Variants in KIAA1549 observed in about 807,000 individuals in gnomAD.
KIAA1549 encodes the protein KIAA1549.
Under a neutral mutation model 156.4 loss-of-function variants are expected in KIAA1549, and 70 were observed. The observed-to-expected ratio is 0.45, with a 90% CI of 0.37 to 0.55. The LOEUF is 0.55. Ranked by LOEUF, KIAA1549 falls within the 20% of genes least tolerant of loss-of-function variation. The pLI, the probability that KIAA1549 is intolerant of heterozygous loss-of-function variation, is 0.00. For synonymous variants in KIAA1549, 1,103 were observed against 1,066.4 expected (o/e 1.03, Z -0.67); for missense variants, 2,428 against 2,540.9 (o/e 0.96, Z 0.96).
intron 1 of KIAA1549, among the ~76,000 whole-genome samples, chr7:138,978,712 C>T (rs1033963005): frequency 1.6e-4 from 24 of 152,164 alleles, no homozygotes; most frequent in African/African-American, 5.6e-4. Flanking sequence ...TAAGCCATGC[C>T]ATTTTCTGAC....
Position 138,856,330 on chromosome 7 carries a change from C to T in KIAA1549, c.5248-4061G>A, listed in dbSNP as rs1343431901. ...CCCTCATTTCTAAAGAGAGCTCTTC[C>T]ACTGGTAATCCAGATTCATCTCATC... On this transcript the variant is annotated intron_variant, in intron 16 of 19. Transcript: ENST00000422774. 2.0e-5 allele frequency among the ~76,000 whole-genome samples: 3 copies of T among 152,070 alleles called. 1 individual carries two copies. Among genetic ancestry groups the T allele is most frequent in the African/African-American group, 7.2e-5 (3 of 41,422 alleles).
chr7:138,968,673 C>T (rs1210487368), intron 1 of KIAA1549, among the ~76,000 whole-genome samples: 1 of 151,122 alleles, frequency 6.6e-6, no homozygotes, highest in East Asian at 1.9e-4. Flanking sequence ...CGGTGAAACC[C>T]CGTCTCTACT....
chr7:138,932,879 C>T (rs1343248505), intron 1 of KIAA1549, among the ~76,000 whole-genome samples: 1 of 152,130 alleles, frequency 6.6e-6, no homozygotes, highest in Non-Finnish European at 1.5e-5. Flanking sequence ...TAGGGAAATT[C>T]ACATGGTGAT....
chr7:138,860,424 C>T (rs930744675), intron 16 of KIAA1549, among the ~76,000 whole-genome samples: 6 of 152,224 alleles, frequency 3.9e-5, no homozygotes, highest in Admixed American at 3.3e-4. Flanking sequence ...AGTATAAACA[C>T]TCCCTAATAA....
chr7:138,979,559 G>A (rs1343518594), intron 1 of KIAA1549, among the ~76,000 whole-genome samples: 2 of 152,220 alleles, frequency 1.3e-5, no homozygotes, highest in Non-Finnish European at 2.9e-5. Flanking sequence ...GCACTCAGGA[G>A]ATGGAAACCA....
At chr7:138,885,056 G>A (rs759760554) in intron 10 of KIAA1549, among the ~76,000 whole-genome samples, 2 of 152,132 alleles carry the variant, frequency 1.3e-5, no homozygotes, top group African/African-American at 2.4e-5. Context: ...TTAGACGGGC[G>A]TGGTGGCACG....
chr7:138,915,330 C>G (rs1325527008), intron 2 of KIAA1549, among the ~76,000 whole-genome samples: 7 of 152,146 alleles, frequency 4.6e-5, no homozygotes, highest in Non-Finnish European at 8.8e-5. Flanking sequence ...GAGCTGCTCA[C>G]AGGAGGGCCG....
At chr7:138,912,297 C>A in intron 3 of KIAA1549, 75 bp downstream of exon 3, 1 of 1,046,372 alleles carries the variant, frequency 9.6e-7, no homozygotes, top group Non-Finnish European at 1.5e-6. Flanking sequence ...GCCATAATCA[C>A]CTGCCTCTAA....
chr7:138,881,342 A>G, intron 11 of KIAA1549, 46 bp downstream of exon 11: 1 of 1,560,620 alleles, frequency 6.4e-7, no homozygotes, highest in Non-Finnish European at 8.7e-7. Flanking sequence ...CTGATAACAG[A>G]AGCATGCTCT....
At chr7:138,886,027 A>C (rs964393109) in intron 10 of KIAA1549, among the ~76,000 whole-genome samples, 5 of 151,844 alleles carry the variant, frequency 3.3e-5, no homozygotes, top group African/African-American at 1.2e-4. Context: ...GCCCCCCCCC[A>C]AATTCGGTCA....
intron 1 of KIAA1549, among the ~76,000 whole-genome samples, chr7:138,963,066 T>G (rs1372190896): frequency 6.6e-6 from 1 of 152,266 alleles, no homozygotes; most frequent in Admixed American, 6.5e-5. Flanking sequence ...TTTCTCTTAG[T>G]ATCCCAACAT....
intron 1 of KIAA1549, among the ~76,000 whole-genome samples, chr7:138,978,566 A>C (rs1814448812): frequency 6.6e-6 from 1 of 152,182 alleles, no homozygotes; most frequent in Non-Finnish European, 1.5e-5. Flanking sequence ...TTAACCAAAG[A>C]CTGTAATAAG....
At chr7:138,879,496 T>G (rs761498580) in intron 12 of KIAA1549, 42 bp downstream of exon 12, 5 of 1,253,180 alleles carry the variant, frequency 4.0e-6, no homozygotes, top group Non-Finnish European at 5.7e-6. Context: ...TGGACTCTCA[T>G]AGGGACTACT....
intron 1 of KIAA1549, among the ~76,000 whole-genome samples, chr7:138,947,637 A>C (rs750525051): frequency 1.3e-5 from 2 of 152,248 alleles, no homozygotes; most frequent in Non-Finnish European, 2.9e-5. Flanking sequence ...AACTAACCTC[A>C]TAATTACACT....
intron 1 of KIAA1549, among the ~76,000 whole-genome samples, chr7:138,978,602 T>C (rs1814450189): frequency 1.3e-5 from 2 of 152,186 alleles, no homozygotes; most frequent in Admixed American, 1.3e-4. Context: ...GTGGACTCTA[T>C]TGAACAAAAG....
In KIAA1549 at chr7:138,838,144, T is replaced by C. The variant is rs1042859435; in HGVS notation, c.5615A>G (p.His1872Arg). 6.7e-7 allele frequency: 1 copy of C among 1,483,774 alleles called. No homozygotes were observed. Among genetic ancestry groups the C allele is most frequent in the Non-Finnish European group, 8.9e-7 (1 of 1,123,088 alleles). 91.9% of individuals were successfully genotyped at this position (1,483,774 alleles called of 1,614,324 possible). ...GRREATHMLG[H>R]QEYSSSPLFQ... The stretch of plus-strand genomic sequence containing the variant: ...TAGCGGTGAAGAAGAATACTCTTGA[T>C]GTCCGAGCATGTGTGTCTGAAAAAC... The change falls in exon 20 of 20, where the codon CAT becomes CGT. Residue 1872 changes from histidine to arginine, a missense_variant. His to Arg is a conservative substitution (Grantham distance 29). Transcript: ENST00000422774.
chr7:138,846,361 G>A (rs534344783), intron 17 of KIAA1549, among the ~76,000 whole-genome samples: 15 of 151,846 alleles, frequency 9.9e-5, no homozygotes, highest in African/African-American at 2.7e-4. Context: ...ATGGTGAAAC[G>A]CCATCTCTAC....
intron 10 of KIAA1549, among the ~76,000 whole-genome samples, chr7:138,882,546 C>T (rs1308005595): frequency 6.6e-6 from 1 of 152,062 alleles, no homozygotes; most frequent in Non-Finnish European, 1.5e-5. Context: ...TCAAGAACCA[C>T]CCACATAAAG....
rs914198073 is a variant in KIAA1549 at position 138,877,283 on chromosome 7, C to T, written c.4345+2255G>A. 1.5e-4 allele frequency among the ~76,000 whole-genome samples: 23 copies of T among 152,168 alleles called. 1 individual carries two copies. The highest frequency in any genetic ancestry group is 2.9e-5 in the Non-Finnish European group (2 of 68,040). ...CCGAGGTGGGCAGATCACATAAGGC[C>T]AGGAGTTCAAGACCAGCCTGGCCAA... On this transcript the variant is annotated intron_variant, in intron 12 of 19. Transcript: ENST00000422774.
Sources: gnomAD v4.1 joint callset for allele counts (sites outside exome capture counted in the v4.1 genomes callset) on GRCh38, gnomAD v4.1.1 for gene constraint, MANE v1.5 for transcripts, NCBI Gene and HGNC (gene_info 2026-07-23, HGNC 2026-07-21) for gene names.